Variants in GPAT4 observed in about 807,000 individuals in gnomAD.
GPAT4 encodes glycerol-3-phosphate acyltransferase 4, also known as 1-AGP acyltransferase 6.
GPAT4 carries 17 observed loss-of-function variants against 58.0 expected under a neutral mutation model. The ratio of observed to expected loss-of-function variants is 0.29; its 90% CI spans 0.20 to 0.44. GPAT4 has a LOEUF of 0.44. Among genes scored for constraint, GPAT4 ranks in the 20% least tolerant of loss-of-function variants. GPAT4 has a pLI of 1.00. For synonymous variants in GPAT4, 204 were observed against 210.1 expected, an observed-to-expected ratio of 0.97 and a Z score of 0.25; for missense variants, 377 against 574.5, an observed-to-expected ratio of 0.66 and a Z score of 3.51.
At chr8:41,595,360 G>A (rs1802902297) in intron 1 of GPAT4, among the ~76,000 whole-genome samples, 1 of 102,700 alleles carries the variant, frequency 9.7e-6, no homozygotes, top group African/African-American at 4.0e-5. Flanking sequence ...TTTTACTTAG[G>A]ATATTTCTGA....
At chr8:41,592,371 G>C (rs1006031319) in intron 1 of GPAT4, among the ~76,000 whole-genome samples, 1 of 152,140 alleles carries the variant, frequency 6.6e-6, no homozygotes, top group Non-Finnish European at 1.5e-5. Context: ...TGTGTGATTT[G>C]AACTCCACCA....
At chr8:41,613,268 C>G (rs975201957) in intron 8 of GPAT4, among the ~76,000 whole-genome samples, 1 of 152,018 alleles carries the variant, frequency 6.6e-6, no homozygotes, top group Non-Finnish European at 1.5e-5. Flanking sequence ...CATCTGTAAT[C>G]CCAGCTACTA....
At chr8:41,612,802 T>C (rs1298404240) in intron 7 of GPAT4, 43 bp from the exon 8 acceptor site, 3 of 1,548,504 alleles carry the variant, frequency 1.9e-6, no homozygotes, top group Non-Finnish European at 2.7e-6. Flanking sequence ...GAGATTCGTG[T>C]GAAGATGGCT....
chr8:41,580,076 C>T (rs570100905), intron 1 of GPAT4, among the ~76,000 whole-genome samples: 1 of 152,268 alleles, frequency 6.6e-6, no homozygotes, highest in Non-Finnish European at 1.5e-5. Flanking sequence ...TGGATGAAGA[C>T]GCTTACATTC....
rs1803675956 is a variant in GPAT4 at position 41,618,969 on chromosome 8, C to T, written c.1254C>T (p.Asp418=). 6.2e-7 allele frequency: 1 copy of T among 1,614,218 alleles called. No individual in the cohort carries two copies. The highest frequency in any genetic ancestry group is 8.5e-7 in the Non-Finnish European group (1 of 1,180,028). ...SAIARQGGLV[D]LLWDGGLKRE... is the part of the protein sequence containing the mutation. ...TTGCCAGGCAGGGAGGACTTGTGGA[C>T]CTGCTGTGGTAAGTTTAGAGCCAGG... Residue 418 remains aspartate (D), a synonymous_variant, in exon 12 of 13, where the codon GAC becomes GAT. Transcript: ENST00000396987.
intron 12 of GPAT4, among the ~76,000 whole-genome samples, chr8:41,620,245 C>T (rs1803708355): frequency 1.3e-5 from 2 of 152,102 alleles, no homozygotes; most frequent in South Asian, 4.2e-4. Context: ...CGGAGGGGGC[C>T]AGCAGGCAAG....
intron 1 of GPAT4, among the ~76,000 whole-genome samples, chr8:41,579,973 T>TA (rs1802468856): frequency 1.3e-5 from 2 of 152,180 alleles, no homozygotes; most frequent in Non-Finnish European, 1.5e-5. Flanking sequence ...CTGCAGGTCT[T>TA]AAGAGGCTGA....
At chr8:41,597,970 A>T (rs1314460707) in intron 1 of GPAT4, among the ~76,000 whole-genome samples, 6 of 152,256 alleles carry the variant, frequency 3.9e-5, no homozygotes, top group African/African-American at 1.2e-4. Context: ...TCTGGGGGAC[A>T]GGAAGGAGAT....
At chr8:41,619,040 A>G in intron 12 of GPAT4, 63 bp downstream of exon 12, 1 of 1,563,630 alleles carries the variant, frequency 6.4e-7, no homozygotes, top group Non-Finnish European at 8.8e-7. Flanking sequence ...CATTGACTTC[A>G]CTTACATGTC....
intron 2 of GPAT4, 23 bp downstream of exon 2, chr8:41,599,327 G>C: frequency 6.2e-7 from 1 of 1,612,766 alleles, no homozygotes; most frequent in Non-Finnish European, 8.5e-7. Flanking sequence ...GTTACAAAAG[G>C]TTGCTTCACA....
At chr8:41,585,298 G>A (rs1802622745) in intron 1 of GPAT4, among the ~76,000 whole-genome samples, 2 of 152,212 alleles carry the variant, frequency 1.3e-5, no homozygotes, top group Admixed American at 6.5e-5. Context: ...CCTAAAGCAA[G>A]TGAGGAGTCA....
intron 12 of GPAT4, among the ~76,000 whole-genome samples, chr8:41,620,292 G>T (rs1306538053): frequency 6.6e-6 from 1 of 150,506 alleles, no homozygotes; most frequent in Non-Finnish European, 1.5e-5. Context: ...CCCAAGTCTG[G>T]TGGGTTGGTT....
chr8:41,612,946 C>G lies in GPAT4; in HGVS notation c.897C>G (p.His299Gln). Residue 299 changes from histidine to glutamine, a missense_variant, in exon 8 of 13, where the codon CAC (histidine) becomes CAG (glutamine). Transcript: ENST00000396987. ...WFERSEVKDRHLVAKRLTEHV... is the reference protein window; with the variant it reads ...WFERSEVKDRQLVAKRLTEHV... ...AGCGCTCGGAAGTGAAGGATCGCCA[C>G]CTGGTGGCTAAGAGGTAATGGACAG... 6.2e-7 allele frequency: 1 copy of G among 1,614,090 alleles called. No individual in the cohort carries two copies.
chr8:41,618,531 A>G (rs1803658420), intron 10 of GPAT4, 153 bp from the exon 11 acceptor site: 1 of 954,440 alleles, frequency 1.0e-6, no homozygotes, highest in Non-Finnish European at 1.6e-6. Context: ...AACCGGCCAC[A>G]TGGAGAGGGG....
chr8:41,617,440 ACTT>A (rs1383222752), intron 10 of GPAT4, among the ~76,000 whole-genome samples: 4 of 152,192 alleles, frequency 2.6e-5, no homozygotes, highest in Admixed American at 2.0e-4. Context: ...AGTTTTAAAA[ACTT>A]ATTATTTTCC....
In GPAT4 at chr8:41,612,351, C is replaced by A. The variant is rs920318046; in HGVS notation, c.795+78C>A. ...GTCAGGGCTAGGAGGCTCCTGGACC[C>A]TTCACATAAACACATTTATGCGTGG... On this transcript the variant is annotated intron_variant, in intron 7 of 12. Coordinates refer to ENST00000396987, the MANE Select transcript of GPAT4 (RefSeq NM_178819.4). 19 of 1,434,596 alleles carry A rather than the reference C, an allele frequency of 1.3e-5. No homozygotes were observed. The African/African-American group carries it at 2.4e-4, about 18-fold the overall frequency. 88.9% of individuals were successfully genotyped at this position (1,434,596 alleles called of 1,614,324 possible). A position where few individuals can be genotyped will look rare whatever the true frequency, so the allele number is the denominator to read the frequency against.
At chr8:41,615,898 G>A (rs55812128) in intron 10 of GPAT4, among the ~76,000 whole-genome samples, 67,536 of 152,060 alleles carry the variant, frequency 0.44, 15,177 homozygotes, top group Middle Eastern at 0.53. Flanking sequence ...CACTGGAGAG[G>A]TGTTGCTCCT....
In GPAT4 at chr8:41,615,003, G is replaced by A. The variant is rs1803553776; in HGVS notation, c.1008G>A (p.Lys336=). ...INNTSVMMFK[K]GSFEIGATVY... The stretch of plus-strand genomic sequence containing the variant: ...ATACATCGGTGATGATGTTCAAAAA[G>A]GGAAGTTTTGAAATTGGAGCCACAG... Residue 336 remains lysine, a synonymous_variant, in exon 10 of 13, where the codon AAG becomes AAA. Coordinates refer to ENST00000396987, the MANE Select transcript of GPAT4 (RefSeq NM_178819.4). 1 of 1,614,140 alleles carries A rather than the reference G, an allele frequency of 6.2e-7. No homozygotes were observed. Among genetic ancestry groups the A allele is most frequent in the Middle Eastern group, 1.7e-4 (1 of 6,060 alleles).
chr8:41,589,482 T>C (rs1802737498), intron 1 of GPAT4, among the ~76,000 whole-genome samples: 1 of 152,080 alleles, frequency 6.6e-6, no homozygotes, highest in Non-Finnish European at 1.5e-5. Flanking sequence ...AGTGAGTATT[T>C]TAGGGTCTGT....
Sources: allele counts gnomAD v4.1 joint callset (sites outside exome capture counted in the v4.1 genomes callset), GRCh38; gene constraint gnomAD v4.1.1; transcripts MANE v1.5; gene names NCBI Gene and HGNC (gene_info 2026-07-23, HGNC 2026-07-21).